Variants in SEM1 observed in about 807,000 individuals in gnomAD.
SEM1 encodes the protein SEM1 26S proteasome subunit, also known as 26S proteasome complex subunit SEM1.
SEM1 carries 3 observed loss-of-function variants against 12.7 expected under a neutral mutation model. The observed-to-expected ratio is 0.24, with a 90% CI of 0.11 to 0.61. The LOEUF (loss-of-function observed/expected upper bound fraction) is 0.61. Among genes scored for constraint, SEM1 ranks in the 20% least tolerant of loss-of-function variants. The pLI, the probability that SEM1 is intolerant of heterozygous loss-of-function variation, is 0.88. For missense variants in SEM1, 59 were observed against 81.3 expected, an observed-to-expected ratio of 0.73 and a Z score of 1.06; for synonymous variants, 30 against 27.8, an observed-to-expected ratio of 1.08 and a Z score of -0.25.
chr7:96,629,286 T>C (rs1452167231), intron 2 of SEM1, among the ~76,000 whole-genome samples: 1 of 152,098 alleles, frequency 6.6e-6, no homozygotes, highest in African/African-American at 2.4e-5. Context: ...ATTTGCCCTT[T>C]TGCAGCTATT....
chr7:96,618,925 T>C (rs1220090128), downstream of SEM1, among the ~76,000 whole-genome samples: 1 of 152,152 alleles, frequency 6.6e-6, no homozygotes, highest in Non-Finnish European at 1.5e-5. Context: ...CACTTTGGCC[T>C]GGGCAACAGA....
chr7:96,509,688 C>T (rs1803872355), intron 2 of SEM1, among the ~76,000 whole-genome samples: 2 of 152,104 alleles, frequency 1.3e-5, no homozygotes, highest in South Asian at 2.1e-4. Flanking sequence ...CTGACATATA[C>T]ATACAATGGA....
chr7:96,555,788 G>A (rs547156684), intron 2 of SEM1, among the ~76,000 whole-genome samples: 1 of 146,384 alleles, frequency 6.8e-6, no homozygotes, highest in Admixed American at 6.8e-5. Context: ...TTGACAGTGG[G>A]GTGTTAAAGT....
At chr7:96,667,606 G>A (rs2116562254) in intron 2 of SEM1, among the ~76,000 whole-genome samples, 1 of 151,886 alleles carries the variant, frequency 6.6e-6, no homozygotes. Flanking sequence ...TTCATTCAGG[G>A]ATGTTTTTTC....
chr7:96,635,242 G>A (rs914715224), intron 2 of SEM1, among the ~76,000 whole-genome samples: 4 of 152,106 alleles, frequency 2.6e-5, no homozygotes, highest in African/African-American at 9.7e-5. Context: ...GACCAGGATG[G>A]GGGTGGGTGT....
At chr7:96,527,195 C>T (rs1232469172) in intron 2 of SEM1, among the ~76,000 whole-genome samples, 1 of 151,970 alleles carries the variant, frequency 6.6e-6, no homozygotes, top group Non-Finnish European at 1.5e-5. Context: ...AGGAGGATGG[C>T]GGAGGGAAAG....
intron 2 of SEM1, among the ~76,000 whole-genome samples, chr7:96,608,958 A>C (rs1807464915): frequency 6.6e-6 from 1 of 152,224 alleles, no homozygotes; most frequent in Non-Finnish European, 1.5e-5. Context: ...TTGCTGGTTC[A>C]CATGGTAAAC....
intron 2 of SEM1, among the ~76,000 whole-genome samples, chr7:96,694,442 G>A (rs1790028046): frequency 6.6e-6 from 1 of 152,028 alleles, no homozygotes; most frequent in Admixed American, 6.6e-5. Context: ...TCCAGTTTGA[G>A]AATCACCAAT....
chr7:96,657,574 AG>A (rs1464358094), intron 2 of SEM1, among the ~76,000 whole-genome samples: 1 of 152,134 alleles, frequency 6.6e-6, no homozygotes, highest in Non-Finnish European at 1.5e-5. Flanking sequence ...ATCCAACAGA[AG>A]GAATTGCAAA....
intron 2 of SEM1, among the ~76,000 whole-genome samples, chr7:96,660,709 A>G (rs1368712883): frequency 6.6e-6 from 1 of 152,152 alleles, no homozygotes; most frequent in African/African-American, 2.4e-5. Context: ...AACACAATTC[A>G]TAAGCTCAAT....
chr7:96,650,633 C>T (rs1808945569), intron 2 of SEM1: 2 of 645,972 alleles, frequency 3.1e-6, no homozygotes, highest in South Asian at 1.8e-5. Flanking sequence ...AAATGAAACC[C>T]CCCAAGTTCC....
At chr7:96,539,301 T>C (rs1411969673) in intron 2 of SEM1, among the ~76,000 whole-genome samples, 1 of 151,738 alleles carries the variant, frequency 6.6e-6, no homozygotes, top group East Asian at 1.9e-4. Context: ...CCACAAAAAC[T>C]GTGAAATAAT....
At chr7:96,659,921 A>AAAAC (rs530538295) in intron 2 of SEM1, among the ~76,000 whole-genome samples, 2 of 148,330 alleles carry the variant, frequency 1.3e-5, no homozygotes, top group South Asian at 2.1e-4. Context: ...GGCAAAAAAA[A>AAAAC]AAAAAAAAAC....
intron 2 of SEM1, among the ~76,000 whole-genome samples, chr7:96,572,994 A>C (rs1200977814): frequency 6.6e-6 from 1 of 152,160 alleles, no homozygotes; most frequent in Non-Finnish European, 1.5e-5. Context: ...TATTTAGGAT[A>C]GTTAGCTCTT....
chr7:96,574,191 T>C (rs912638819), intron 2 of SEM1, among the ~76,000 whole-genome samples: 1 of 152,090 alleles, frequency 6.6e-6, no homozygotes, highest in East Asian at 1.9e-4. Context: ...TGGTGTTTGG[T>C]TTTTTGTCCT....
At chr7:96,557,241 C>G (rs1453513811) in intron 2 of SEM1, among the ~76,000 whole-genome samples, 1 of 149,774 alleles carries the variant, frequency 6.7e-6, no homozygotes, top group Non-Finnish European at 1.5e-5. Flanking sequence ...TGAGGAACTG[C>G]GTTCCTTTGG....
chr7:96,617,296 C>A (rs947481204), intron 2 of SEM1, among the ~76,000 whole-genome samples: 1 of 151,898 alleles, frequency 6.6e-6, no homozygotes, highest in Non-Finnish European at 1.5e-5. Flanking sequence ...GGTATTTCCT[C>A]TTTTTTTAGC....
chr7:96,577,976 TTAAG>T (rs1806261640), intron 2 of SEM1, among the ~76,000 whole-genome samples: 1 of 151,992 alleles, frequency 6.6e-6, no homozygotes, highest in South Asian at 2.1e-4. Context: ...AAGAGACTCT[TTAAG>T]TATTATTAAG....
At chr7:96,483,980 G>A (rs1406142442) in exon 4 of SEM1, 5 of 1,512,996 alleles carry the variant, frequency 3.3e-6, no homozygotes, top group Admixed American at 2.1e-5. Context: ...AGTGGAAAGA[G>A]TCAGGGACCT....
Sources: allele counts gnomAD v4.1 joint callset (sites outside exome capture counted in the v4.1 genomes callset), GRCh38; gene constraint gnomAD v4.1.1; transcripts MANE v1.5; gene names NCBI Gene and HGNC (gene_info 2026-07-23, HGNC 2026-07-21).